CERS6: variants seen among roughly 807,000 people sequenced by gnomAD.
CERS6 encodes LAG1 homolog, ceramide synthase 6.
In CERS6, 26 loss-of-function variants were observed where a neutral mutation model predicts 56.8. That is an observed-to-expected ratio of 0.46 (90% CI 0.34 to 0.63). The LOEUF (loss-of-function observed/expected upper bound fraction) is 0.63. Ranked by LOEUF, CERS6 falls within the 30% of genes least tolerant of loss-of-function variation. The pLI is 0.01. For missense variants in CERS6, 415 were observed against 467.5 expected (o/e 0.89, Z 1.04); for synonymous variants, 164 against 173.3 (o/e 0.95, Z 0.42).
At chr2:168,575,169 A>G (rs1159247811) in intron 3 of CERS6, among the ~76,000 whole-genome samples, 1 of 152,196 alleles carries the variant, frequency 6.6e-6, no homozygotes, top group Non-Finnish European at 1.5e-5. Context: ...CTGAGTCAAA[A>G]TAGTACCTTG....
intron 3 of CERS6, among the ~76,000 whole-genome samples, chr2:168,577,374 T>C (rs1047966534): frequency 1.3e-5 from 2 of 152,114 alleles, no homozygotes; most frequent in African/African-American, 4.8e-5. Context: ...TGGAAGGTCT[T>C]AAGACAAAAT....
intron 1 of CERS6, among the ~76,000 whole-genome samples, chr2:168,468,631 G>T (rs1693924157): frequency 6.6e-6 from 1 of 152,184 alleles, no homozygotes; most frequent in Non-Finnish European, 1.5e-5. Flanking sequence ...CTGAGTGTTT[G>T]TTGAAACTCT....
intron 3 of CERS6, among the ~76,000 whole-genome samples, chr2:168,610,163 G>C (rs1684151854): frequency 6.6e-6 from 1 of 151,968 alleles, no homozygotes; most frequent in African/African-American, 2.4e-5. Context: ...ATTTTTAGTA[G>C]AGACGGGGTT....
At chr2:168,572,000 C>T (rs1695998173) in intron 3 of CERS6, among the ~76,000 whole-genome samples, 1 of 152,118 alleles carries the variant, frequency 6.6e-6, no homozygotes, top group South Asian at 2.1e-4. Context: ...TGTAGAAAAG[C>T]TAGTGTACTG....
intron 4 of CERS6, among the ~76,000 whole-genome samples, chr2:168,662,847 C>G (rs1685665715): frequency 6.6e-6 from 1 of 152,198 alleles, no homozygotes; most frequent in Non-Finnish European, 1.5e-5. Context: ...AGCTTCCTGC[C>G]AAACATCTTG....
chr2:168,556,516 A>G (rs1695681765), intron 2 of CERS6, among the ~76,000 whole-genome samples: 1 of 152,118 alleles, frequency 6.6e-6, no homozygotes, highest in Non-Finnish European at 1.5e-5. Flanking sequence ...CTATATCTAT[A>G]TTTCTGTATT....
At chr2:168,558,554 A>C (rs1358106942) in intron 2 of CERS6, among the ~76,000 whole-genome samples, 1 of 152,228 alleles carries the variant, frequency 6.6e-6, no homozygotes, top group East Asian at 1.9e-4. Flanking sequence ...AAGTTTGCTT[A>C]TATTTGTGTA....
chr2:168,510,672 C>A (rs1004923292), intron 1 of CERS6, among the ~76,000 whole-genome samples: 1 of 152,128 alleles, frequency 6.6e-6, no homozygotes, highest in East Asian at 1.9e-4. Flanking sequence ...CATTTCCTTT[C>A]TTGTTCAGTG....
intron 4 of CERS6, among the ~76,000 whole-genome samples, chr2:168,670,327 C>T (rs1685875446): frequency 6.6e-6 from 1 of 152,160 alleles, no homozygotes; most frequent in Admixed American, 6.5e-5. Flanking sequence ...AGAATACCAG[C>T]CTCGTGAGAA....
rs776051597 is a variant in CERS6 at position 168,695,060 on chromosome 2, G to A, written c.609+9G>A. On this transcript the variant is annotated intron_variant, in intron 6 of 9. Coordinates refer to ENST00000305747, the MANE Select transcript of CERS6 (RefSeq NM_203463.3). ...CTGATATCAAAAGAAAGGTAAGAGCGGTTATGTCGTAAAGTGCTTGCAAGC... is the reference window on the plus strand; with the variant it reads ...CTGATATCAAAAGAAAGGTAAGAGCAGTTATGTCGTAAAGTGCTTGCAAGC... The A allele has an allele frequency of 1.6e-5, 26 of 1,606,850 alleles. No homozygotes were observed. The highest frequency in any genetic ancestry group is 2.0e-5 in the Non-Finnish European group (23 of 1,173,784).
intron 4 of CERS6, among the ~76,000 whole-genome samples, chr2:168,677,185 A>G (rs182004676): frequency 0.014 from 2,050 of 151,072 alleles, 25 homozygotes; most frequent in African/African-American, 0.016. Context: ...CCACCCCCCA[A>G]CAGGCCCTGG....
chr2:168,489,160 A>G (rs1175462860), intron 1 of CERS6, among the ~76,000 whole-genome samples: 1 of 152,048 alleles, frequency 6.6e-6, no homozygotes, highest in African/African-American at 2.4e-5. Context: ...GAAGGATGTT[A>G]TTGATGGATA....
At chr2:168,512,305 C>T (rs144048074) in intron 1 of CERS6, among the ~76,000 whole-genome samples, 48 of 152,168 alleles carry the variant, frequency 3.2e-4, no homozygotes, top group African/African-American at 8.0e-4. Context: ...TATCACTGAA[C>T]TGTATAATTA....
At chr2:168,575,406 A>AG (rs1417192380) in intron 3 of CERS6, among the ~76,000 whole-genome samples, 4 of 152,046 alleles carry the variant, frequency 2.6e-5, no homozygotes, top group Non-Finnish European at 1.5e-5. Context: ...ACATGGTGGA[A>AG]GGGGAGAGTG....
intron 3 of CERS6, among the ~76,000 whole-genome samples, chr2:168,624,634 A>G (rs568430538): frequency 3.3e-5 from 5 of 152,314 alleles, no homozygotes; most frequent in South Asian, 2.1e-4. Context: ...AGAACCTACT[A>G]TAAGTAAAAG....
intron 3 of CERS6, among the ~76,000 whole-genome samples, chr2:168,589,014 A>G (rs895084803): frequency 5.9e-5 from 9 of 152,224 alleles, no homozygotes; most frequent in Non-Finnish European, 1.0e-4. Context: ...TGCTAGGACT[A>G]CAGTTGTGGG....
At chr2:168,649,313 A>G (rs1399419854) in intron 4 of CERS6, among the ~76,000 whole-genome samples, 4 of 152,140 alleles carry the variant, frequency 2.6e-5, no homozygotes, top group African/African-American at 9.7e-5. Flanking sequence ...CATCAGCCCC[A>G]GGTCGTGGGC....
intron 3 of CERS6, among the ~76,000 whole-genome samples, chr2:168,587,140 G>A (rs912954041): frequency 3.3e-5 from 1 of 30,452 alleles, no homozygotes; most frequent in Non-Finnish European, 8.2e-5. Flanking sequence ...GATTGTGCCA[G>A]TGCAGCTGGG....
intron 7 of CERS6, among the ~76,000 whole-genome samples, chr2:168,715,629 T>C (rs185865961): frequency 3.3e-5 from 5 of 152,250 alleles, no homozygotes; most frequent in African/African-American, 1.2e-4. Context: ...TATGTAAGTA[T>C]AAGGAATATC....
Sources: allele counts gnomAD v4.1 joint callset (sites outside exome capture counted in the v4.1 genomes callset), GRCh38; gene constraint gnomAD v4.1.1; transcripts MANE v1.5; gene names NCBI Gene and HGNC (gene_info 2026-07-23, HGNC 2026-07-21).